Variants in RAB38 observed in about 807,000 individuals in gnomAD.
The protein encoded by RAB38 is ras-related protein Rab-38.
In RAB38, 15 loss-of-function variants were observed where a neutral mutation model predicts 18.4. That is an observed-to-expected ratio of 0.82 (90% CI 0.55 to 1.26). The LOEUF (loss-of-function observed/expected upper bound fraction) is 1.26. Ranked by LOEUF, RAB38 falls within the 50% of genes most tolerant of loss-of-function variation. The pLI, the probability that RAB38 is intolerant of heterozygous loss-of-function variation, is 0.00. For synonymous variants in RAB38, 101 were observed against 104.4 expected (o/e 0.97, Z 0.20); for missense variants, 294 against 267.4 (o/e 1.10, Z -0.69).
chr11:88,102,721 T>C, the RAB38 span, among the ~76,000 whole-genome samples: 1 of 152,054 alleles, frequency 6.6e-6, no homozygotes, highest in Non-Finnish European at 1.5e-5. Flanking sequence ...ATGTAGGCAG[T>C]GTCATTTCAG....
chr11:87,877,130 A>G, the RAB38 span, among the ~76,000 whole-genome samples: 589 of 151,672 alleles, frequency 3.9e-3, 1 homozygote, highest in African/African-American at 0.013. Context: ...AATATCATGC[A>G]TGGAAGTACC....
chr11:88,137,175 C>A (rs141980382), intron 2 of RAB38, among the ~76,000 whole-genome samples: 2 of 152,302 alleles, frequency 1.3e-5, no homozygotes, highest in East Asian at 3.9e-4. Flanking sequence ...ACCCACAAAT[C>A]AACAATCACC....
the RAB38 span, among the ~76,000 whole-genome samples, chr11:87,923,222 G>T: frequency 1.3e-5 from 2 of 151,832 alleles, no homozygotes; most frequent in Non-Finnish European, 2.9e-5. Flanking sequence ...GTTAGTATTA[G>T]TATTAATATT....
At chr11:88,009,537 T>C in the RAB38 span, among the ~76,000 whole-genome samples, 4 of 152,070 alleles carry the variant, frequency 2.6e-5, no homozygotes, top group African/African-American at 9.7e-5. Context: ...CCACTTAAGA[T>C]TGTAACATGA....
intron 1 of RAB38, among the ~76,000 whole-genome samples, chr11:88,170,159 T>C (rs1391940757): frequency 1.3e-5 from 2 of 152,206 alleles, no homozygotes; most frequent in African/African-American, 4.8e-5. Flanking sequence ...CCCTCATTCC[T>C]ACTTTGAAAG....
the RAB38 span, among the ~76,000 whole-genome samples, chr11:88,004,200 AG>A: frequency 6.7e-6 from 1 of 149,766 alleles, no homozygotes; most frequent in Non-Finnish European, 1.5e-5. Flanking sequence ...TACAGATGAA[AG>A]GACATACATT....
chr11:88,124,374 T>C (rs61909917), intron 2 of RAB38, among the ~76,000 whole-genome samples: 22,814 of 152,108 alleles, frequency 0.15, 1,945 homozygotes, highest in Admixed American at 0.24. Flanking sequence ...AATCTACTCT[T>C]CTGACAAAAG....
the RAB38 span, among the ~76,000 whole-genome samples, chr11:87,868,754 A>G: frequency 4.6e-5 from 7 of 151,788 alleles, no homozygotes; most frequent in African/African-American, 1.4e-4. Flanking sequence ...TGTTGGGGAC[A>G]TAATTGTTGG....
chr11:88,050,777 C>T, the RAB38 span, among the ~76,000 whole-genome samples: 1 of 152,184 alleles, frequency 6.6e-6, no homozygotes, highest in Non-Finnish European at 1.5e-5. Flanking sequence ...CAGAGTATAG[C>T]TGCAAAACCT....
the RAB38 span, among the ~76,000 whole-genome samples, chr11:87,843,483 G>T: frequency 1.3e-5 from 2 of 152,156 alleles, no homozygotes; most frequent in Admixed American, 1.3e-4. Flanking sequence ...CACTGTCTCT[G>T]CTACCTCACC....
chr11:88,158,907 G>A (rs890423686), intron 1 of RAB38, among the ~76,000 whole-genome samples: 5 of 152,062 alleles, frequency 3.3e-5, no homozygotes, highest in African/African-American at 1.2e-4. Context: ...ATTACTGGAA[G>A]TGCTAGCCAG....
the RAB38 span, among the ~76,000 whole-genome samples, chr11:88,063,163 A>G: frequency 7.9e-5 from 12 of 152,336 alleles, no homozygotes; most frequent in Admixed American, 4.6e-4. Context: ...AACAGAATTT[A>G]CAACTATATC....
the RAB38 span, among the ~76,000 whole-genome samples, chr11:87,961,753 C>T: frequency 6.6e-6 from 1 of 152,160 alleles, no homozygotes; most frequent in Non-Finnish European, 1.5e-5. Context: ...TGTTGGGTAG[C>T]CACAGACCAA....
At chr11:88,069,684 A>G in the RAB38 span, among the ~76,000 whole-genome samples, 3 of 152,210 alleles carry the variant, frequency 2.0e-5, no homozygotes, top group African/African-American at 7.2e-5. Flanking sequence ...TTGTAAATAC[A>G]CCAATCAGCA....
At chr11:88,016,963 G>A in the RAB38 span, among the ~76,000 whole-genome samples, 1 of 152,044 alleles carries the variant, frequency 6.6e-6, no homozygotes. Context: ...CAAACCAACA[G>A]TTACAAAGCA....
chr11:88,125,734 T>C (rs536071624), intron 2 of RAB38, among the ~76,000 whole-genome samples: 1 of 152,248 alleles, frequency 6.6e-6, no homozygotes, highest in Non-Finnish European at 1.5e-5. Context: ...ATCCTATTTG[T>C]CAATTTTGGC....
At chr11:87,923,310 C>T in the RAB38 span, among the ~76,000 whole-genome samples, 11 of 151,856 alleles carry the variant, frequency 7.2e-5, no homozygotes, top group East Asian at 1.4e-3. Context: ...CTAGAGAAGA[C>T]GCATTCATTA....
the RAB38 span, among the ~76,000 whole-genome samples, chr11:87,971,972 C>A: frequency 6.6e-6 from 1 of 151,314 alleles, no homozygotes; most frequent in Non-Finnish European, 1.5e-5. Flanking sequence ...TCCACCTGAA[C>A]TGACTCCACT....
the RAB38 span, among the ~76,000 whole-genome samples, chr11:87,938,512 T>C: frequency 6.6e-6 from 1 of 151,960 alleles, no homozygotes; most frequent in African/African-American, 2.4e-5. Context: ...TTAACTGCTA[T>C]GCGTAGGGGA....
Sources: gnomAD v4.1 joint callset for allele counts (sites outside exome capture counted in the v4.1 genomes callset) on GRCh38, gnomAD v4.1.1 for gene constraint, MANE v1.5 for transcripts, NCBI Gene and HGNC (gene_info 2026-07-23, HGNC 2026-07-21) for gene names.